Variants in PCDH15 observed in about 807,000 individuals in gnomAD.
PCDH15 encodes protocadherin related 15.
A neutral mutation model predicts 178.5 loss-of-function variants in PCDH15; 129 were observed. The observed-to-expected ratio is 0.72, with a 90% CI of 0.63 to 0.84. The LOEUF (loss-of-function observed/expected upper bound fraction) is 0.84, where lower values mean the gene tolerates loss of function less well. Ranked by LOEUF, PCDH15 falls within the 40% of genes least tolerant of loss-of-function variation. PCDH15 has a pLI of 0.00. For synonymous variants in PCDH15, 800 were observed against 732.0 expected, an observed-to-expected ratio of 1.09 and a Z score of -1.50; for missense variants, 2,230 against 2,099.9, an observed-to-expected ratio of 1.06 and a Z score of -1.21.
intron 3 of PCDH15, among the ~76,000 whole-genome samples, chr10:54,441,721 T>G (rs1016107123): frequency 2.8e-4 from 43 of 151,884 alleles, no homozygotes; most frequent in African/African-American, 1.0e-3. Flanking sequence ...TCTTGTCTTC[T>G]TAACGTGTAT....
At chr10:54,025,123 G>C (rs2135348190) in intron 18 of PCDH15, among the ~76,000 whole-genome samples, 1 of 152,262 alleles carries the variant, frequency 6.6e-6, no homozygotes. Context: ...TTTGACTGAT[G>C]TGGCTGTGTG....
chr10:54,649,393 G>C (rs905758719), intron 2 of PCDH15, among the ~76,000 whole-genome samples: 5 of 152,000 alleles, frequency 3.3e-5, no homozygotes, highest in African/African-American at 1.2e-4. Context: ...AATTTTTCCT[G>C]GGGAGATATC....
At chr10:55,347,076 G>A (rs956595612) in intron 2 of PCDH15, among the ~76,000 whole-genome samples, 10 of 152,000 alleles carry the variant, frequency 6.6e-5, no homozygotes, top group Non-Finnish European at 1.5e-5. Context: ...TTAGCCAGGC[G>A]TGGTGGCACA....
Position 54,249,790 on chromosome 10 carries a change from A to G in PCDH15, c.877-12859T>C, listed in dbSNP as rs372346017. On this transcript the variant is annotated intron_variant, in intron 8 of 37. Transcript: ENST00000644397. The stretch of plus-strand genomic sequence containing the variant: ...TTTTTTATATGTAATGTTTCAATCC[A>G]TCAAGAAATTGAATAGTAAAGACTT... Among the ~76,000 whole-genome samples the G allele has an allele frequency of 4.6e-5, 7 of 152,252 alleles. No individual in the cohort carries two copies. The South Asian group carries it at 6.2e-4, about 14-fold the overall frequency.
At chr10:55,022,448 T>C (rs1340526036) in intron 2 of PCDH15, among the ~76,000 whole-genome samples, 4 of 95,308 alleles carry the variant, frequency 4.2e-5, no homozygotes, top group African/African-American at 1.4e-4. Context: ...CGAGACTCTG[T>C]CTCCAAAAAA....
At chr10:55,123,407 T>G (rs1837821138) in intron 2 of PCDH15, among the ~76,000 whole-genome samples, 1 of 151,344 alleles carries the variant, frequency 6.6e-6, no homozygotes, top group Admixed American at 6.6e-5. Flanking sequence ...GTGATAAAAA[T>G]AGTTTTAATT....
At position 54,150,615 on chromosome 10, in the gene PCDH15, G is replaced by A. The variant is rs2044431016; in HGVS notation, c.1784+2485C>T. On this transcript the variant is annotated intron_variant, in intron 14 of 37. Transcript: ENST00000644397. ...TTACTTGTTCTTTTTTTCTTGATTAGGTTAGATAGTATTTTATCCAATTAA... is the reference window on the plus strand; with the variant it reads ...TTACTTGTTCTTTTTTTCTTGATTAAGTTAGATAGTATTTTATCCAATTAA... Among the ~76,000 whole-genome samples the A allele has an allele frequency of 2.0e-5, 3 of 151,078 alleles. No individual in the cohort carries two copies. The South Asian group carries it at 6.3e-4, about 32-fold the overall frequency.
At chr10:54,226,963 C>A (rs112630148) in intron 9 of PCDH15, among the ~76,000 whole-genome samples, 4,555 of 152,316 alleles carry the variant, frequency 0.03, 231 homozygotes, top group African/African-American at 0.1. Flanking sequence ...CAGCCTTGGA[C>A]AACTCCACCC....
In PCDH15 at chr10:53,840,493, G is replaced by T. The variant is rs2132763140; in HGVS notation, c.3810C>A (p.Ile1270=). The change falls in exon 29 of 38, where the codon ATC becomes ATA. Residue 1270 remains isoleucine, a synonymous_variant. Transcript: ENST00000644397. ...TTTGTTCCTGAACATAGCGATCCAA[G>T]ATCCTATAAATCAAACAAAGTACAA... ...VEKKIEDLTE[I]LDRYVQEQIP... The T allele has an allele frequency of 1.1e-5, 18 of 1,613,518 alleles. No individual in the cohort carries two copies. Among genetic ancestry groups the T allele is most frequent in the Non-Finnish European group, 1.4e-5 (17 of 1,179,468 alleles).
At chr10:54,335,738 A>T (rs1172071192) in intron 6 of PCDH15, among the ~76,000 whole-genome samples, 3 of 152,124 alleles carry the variant, frequency 2.0e-5, no homozygotes, top group African/African-American at 7.2e-5. Flanking sequence ...AGTCTCACGT[A>T]TGTCTTTATC....
At chr10:55,124,673 T>C (rs888206656) in intron 2 of PCDH15, among the ~76,000 whole-genome samples, 2 of 152,118 alleles carry the variant, frequency 1.3e-5, no homozygotes, top group African/African-American at 2.4e-5. Flanking sequence ...TAAATATAAC[T>C]AAATGGCTGG....
At chr10:55,175,103 A>T (rs894848643) in intron 1 of PCDH15, among the ~76,000 whole-genome samples, 2 of 152,158 alleles carry the variant, frequency 1.3e-5, no homozygotes, top group African/African-American at 2.4e-5. Flanking sequence ...GAAAAACAGC[A>T]GTACCATTGG....
At chr10:54,062,112 C>A (rs184714525) in intron 18 of PCDH15, among the ~76,000 whole-genome samples, 109 of 151,212 alleles carry the variant, frequency 7.2e-4, no homozygotes, top group African/African-American at 2.4e-3. Context: ...GTAATCCCAG[C>A]GACTCAGGAG....
intron 2 of PCDH15, among the ~76,000 whole-genome samples, chr10:55,443,558 G>A (rs989174960): frequency 2.6e-5 from 4 of 152,136 alleles, no homozygotes; most frequent in Admixed American, 1.3e-4. Flanking sequence ...GGTCATTAGA[G>A]AAATGCAAAT....
intron 25 of PCDH15, among the ~76,000 whole-genome samples, chr10:53,927,846 G>A (rs1056321344): frequency 6.6e-6 from 1 of 151,980 alleles, no homozygotes; most frequent in Non-Finnish European, 1.5e-5. Context: ...CTTTTTATTT[G>A]AGGAGAACTC....
intron 2 of PCDH15, among the ~76,000 whole-genome samples, chr10:55,552,166 CT>C (rs1189257377): frequency 1.3e-5 from 2 of 151,642 alleles, no homozygotes; most frequent in African/African-American, 4.8e-5. Flanking sequence ...AAAATATTGC[CT>C]TCTGGAATTA....
rs200902637 is a variant in PCDH15, at chr10:54,974,059, A to T, written c.-79-76559T>A. Among the ~76,000 whole-genome samples, 329 of 127,060 alleles carry T rather than the reference A, an allele frequency of 2.6e-3. 1 individual carries two copies. Among genetic ancestry groups the T allele is most frequent in the Middle Eastern group, 4.1e-3 (1 of 246 alleles). 83.4% of individuals were successfully genotyped at this position (127,060 alleles called of 152,430 possible). On this transcript the variant is annotated intron_variant, in intron 2 of 5. Coordinates refer to the PCDH15 transcript ENST00000458638. Reference sequence around the variant, plus strand: ...CCTTCCTTCTCTCTCTCTCTCTCTCACACACACACACACACACACACACAG... The same window carrying T: ...CCTTCCTTCTCTCTCTCTCTCTCTCTCACACACACACACACACACACACAG...
chr10:55,178,691 T>G (rs957683601), intron 1 of PCDH15, among the ~76,000 whole-genome samples: 2 of 152,144 alleles, frequency 1.3e-5, no homozygotes, highest in Admixed American at 1.3e-4. Context: ...AAAGCACCAA[T>G]GTAAAGAAAT....
intron 2 of PCDH15, among the ~76,000 whole-genome samples, chr10:55,386,264 G>C (rs1362518262): frequency 6.6e-6 from 1 of 151,576 alleles, no homozygotes; most frequent in Non-Finnish European, 1.5e-5. Flanking sequence ...ACACCCAGAA[G>C]TCATAAAAGA....
Sources: allele counts gnomAD v4.1 joint callset (sites outside exome capture counted in the v4.1 genomes callset), GRCh38; gene constraint gnomAD v4.1.1; transcripts MANE v1.5; gene names NCBI Gene and HGNC (gene_info 2026-07-23, HGNC 2026-07-21).